The following FAM185A variants were observed in gnomAD, a reference collection of about 807,000 sequenced individuals.
The protein encoded by FAM185A is protein FAM185A.
In FAM185A, 21 loss-of-function variants were observed where a neutral mutation model predicts 45.7. That is an observed-to-expected ratio of 0.46 (90% CI 0.33 to 0.66). The LOEUF (loss-of-function observed/expected upper bound fraction) is 0.66. Ranked by LOEUF, FAM185A falls within the 30% of genes least tolerant of loss-of-function variation. The pLI is 0.03. For synonymous variants in FAM185A, 117 were observed against 194.0 expected, an observed-to-expected ratio of 0.60 and a Z score of 3.30; for missense variants, 305 against 485.4, an observed-to-expected ratio of 0.63 and a Z score of 3.49.
intron 4 of FAM185A, among the ~76,000 whole-genome samples, chr7:102,772,003 T>C (rs1794770749): frequency 6.7e-6 from 1 of 148,598 alleles, no homozygotes; most frequent in Admixed American, 6.8e-5. Context: ...AGTAATTCTT[T>C]TTTTCCATAC....
intron 4 of FAM185A, among the ~76,000 whole-genome samples, chr7:102,769,338 T>A (rs1410391147): frequency 6.6e-6 from 1 of 151,742 alleles, no homozygotes; most frequent in Non-Finnish European, 1.5e-5. Context: ...CTAAAACTTC[T>A]ATTTTTCTGG....
chr7:102,750,005 T>C (rs1490713172), intron 1 of FAM185A, among the ~76,000 whole-genome samples: 1 of 152,218 alleles, frequency 6.6e-6, no homozygotes, highest in Non-Finnish European at 1.5e-5. Flanking sequence ...CATTCAATGG[T>C]ATGGCAGTCC....
downstream of FAM185A, among the ~76,000 whole-genome samples, chr7:102,810,791 G>A (rs1471322524): frequency 6.6e-6 from 1 of 151,820 alleles, no homozygotes; most frequent in Non-Finnish European, 1.5e-5. Context: ...GTTTTACTAT[G>A]TTCATCAGGT....
At chr7:102,831,211 CA>C in the FAM185A span, among the ~76,000 whole-genome samples, 3 of 152,038 alleles carry the variant, frequency 2.0e-5, no homozygotes, top group Non-Finnish European at 4.4e-5. Flanking sequence ...AGCATTGAGT[CA>C]CTTAGTTAGC....
chr7:102,749,106 T>A lies in FAM185A; in HGVS notation c.-102T>A. Reference sequence around the variant, plus strand: ...GTTTCAGCAAACCCTGACTTACGTCTCCTATTTGACTTGAGGCGGCACAGT... The same window carrying A: ...GTTTCAGCAAACCCTGACTTACGTCACCTATTTGACTTGAGGCGGCACAGT... On this transcript the variant is annotated 5_prime_UTR_variant, in exon 1 of 8. Transcript: ENST00000413034. 1 of 1,473,610 alleles carries A rather than the reference T, an allele frequency of 6.8e-7. No individual in the cohort carries two copies. Among genetic ancestry groups the A allele is most frequent in the Non-Finnish European group, 9.3e-7 (1 of 1,077,600 alleles). The allele number at this position is 1,473,610 out of a possible 1,614,324, so 91.3% of individuals were successfully genotyped here. A position where few individuals can be genotyped will look rare whatever the true frequency, so the allele number is the denominator to read the frequency against.
At chr7:102,837,382 G>A in the FAM185A span, among the ~76,000 whole-genome samples, 1 of 152,216 alleles carries the variant, frequency 6.6e-6, no homozygotes, top group Non-Finnish European at 1.5e-5. Flanking sequence ...GGGAAAGGGG[G>A]ATAAGGCCAA....
At chr7:102,834,878 ATGTGTGTGTGTGTGTG>A in the FAM185A span, among the ~76,000 whole-genome samples, 12 of 147,056 alleles carry the variant, frequency 8.2e-5, no homozygotes, top group Non-Finnish European at 1.4e-4. Flanking sequence ...CCATTCCACA[ATGTGTGTGTGTGTGTG>A]TGTGTGTGTG....
At chr7:102,752,085 T>A (rs1398898358) in intron 2 of FAM185A, among the ~76,000 whole-genome samples, 1 of 151,938 alleles carries the variant, frequency 6.6e-6, no homozygotes, top group Non-Finnish European at 1.5e-5. Flanking sequence ...ACTAAAGAAA[T>A]TTTAGTTTCC....
At chr7:102,810,866 T>C (rs1028316502), downstream of FAM185A, among the ~76,000 whole-genome samples, 1 of 152,230 alleles carries the variant, frequency 6.6e-6, no homozygotes, top group African/African-American at 2.4e-5. Context: ...ATTATAGGCA[T>C]GAACCACTGT....
chr7:102,784,996 A>G lies in FAM185A; in HGVS notation c.932-2339A>G, dbSNP rs542574812. 2.2e-3 allele frequency among the ~76,000 whole-genome samples: 342 copies of G among 152,286 alleles called. 2 individuals carry two copies. Among genetic ancestry groups the G allele is most frequent in the Non-Finnish European group, 2.4e-3 (165 of 68,026 alleles). ...CAACTTCAGCAAAGTCTCAGGATACAAAATCAATGTGCAAAAATCACAAGC... is the reference window on the plus strand; with the variant it reads ...CAACTTCAGCAAAGTCTCAGGATACGAAATCAATGTGCAAAAATCACAAGC... On this transcript the variant is annotated intron_variant, in intron 6 of 7. Coordinates refer to ENST00000413034, the MANE Select transcript of FAM185A (RefSeq NM_001145268.2).
At chr7:102,787,961 T>C (rs1361972117) in intron 7 of FAM185A, among the ~76,000 whole-genome samples, 2 of 152,086 alleles carry the variant, frequency 1.3e-5, no homozygotes, top group Non-Finnish European at 2.9e-5. Flanking sequence ...AGGTTTGTCA[T>C]TGGTTGGTTT....
chr7:102,834,086 A>AAGGAAAAG, the FAM185A span, among the ~76,000 whole-genome samples: 14 of 93,692 alleles, frequency 1.5e-4, no homozygotes, highest in Admixed American at 5.0e-4. Flanking sequence ...GGAAGGAAAG[A>AAGGAAAAG]AAAGAAAGAA....
intron 7 of FAM185A, among the ~76,000 whole-genome samples, chr7:102,804,564 T>C (rs1461391008): frequency 6.6e-6 from 1 of 152,220 alleles, no homozygotes; most frequent in Non-Finnish European, 1.5e-5. Flanking sequence ...ATCTAAGACC[T>C]GAAACTGTAA....
the FAM185A span, among the ~76,000 whole-genome samples, chr7:102,845,652 T>C: frequency 6.6e-6 from 1 of 152,206 alleles, no homozygotes; most frequent in African/African-American, 2.4e-5. Flanking sequence ...TAAATGTTCA[T>C]GTTCTCTAAT....
chr7:102,832,137 T>C, the FAM185A span, among the ~76,000 whole-genome samples: 1 of 152,218 alleles, frequency 6.6e-6, no homozygotes, highest in Non-Finnish European at 1.5e-5. Context: ...GATATTTACT[T>C]TCTCCCTTAA....
At chr7:102,783,158 T>G (rs1795520775) in intron 6 of FAM185A, among the ~76,000 whole-genome samples, 1 of 151,076 alleles carries the variant, frequency 6.6e-6, no homozygotes, top group African/African-American at 2.4e-5. Context: ...AGCAAGTCCT[T>G]AGAGACCTAC....
intron 7 of FAM185A, among the ~76,000 whole-genome samples, chr7:102,803,269 G>A (rs528079781): frequency 1.3e-5 from 2 of 152,210 alleles, no homozygotes; most frequent in African/African-American, 2.4e-5. Context: ...GAACACAGAC[G>A]CTAAAATTCT....
At chr7:102,784,339 C>T (rs1255200237) in intron 6 of FAM185A, among the ~76,000 whole-genome samples, 2 of 151,756 alleles carry the variant, frequency 1.3e-5, no homozygotes, top group African/African-American at 4.8e-5. Flanking sequence ...TTTTATGAGG[C>T]CAGCATCATC....
At chr7:102,843,225 C>T in the FAM185A span, among the ~76,000 whole-genome samples, 1 of 152,130 alleles carries the variant, frequency 6.6e-6, no homozygotes, top group Non-Finnish European at 1.5e-5. Flanking sequence ...AGGCGGATCA[C>T]CTGAGGTCAG....
Sources: allele counts gnomAD v4.1 joint callset (sites outside exome capture counted in the v4.1 genomes callset), GRCh38; gene constraint gnomAD v4.1.1; transcripts MANE v1.5; gene names NCBI Gene and HGNC (gene_info 2026-07-23, HGNC 2026-07-21).